Variants in COBL observed in about 807,000 individuals in gnomAD.
The protein encoded by COBL is cordon-bleu WH2 repeat protein.
Under a neutral mutation model 98.8 loss-of-function variants are expected in COBL, and 51 were observed. That is an observed-to-expected ratio of 0.52 (90% confidence interval 0.41 to 0.65). The LOEUF (loss-of-function observed/expected upper bound fraction) is 0.65. COBL is among the 30% of genes least tolerant of loss of function. The pLI is 0.00. For missense variants in COBL, 1,617 were observed against 1,617.5 expected (o/e 1.00, Z 0.01); for synonymous variants, 634 against 651.7 (o/e 0.97, Z 0.41).
chr7:51,218,115 T>G (rs967356900), intron 2 of COBL, among the ~76,000 whole-genome samples: 1 of 152,226 alleles, frequency 6.6e-6, no homozygotes, highest in African/African-American at 2.4e-5. Context: ...GCTGAAATAC[T>G]GTATCCCATG....
chr7:51,073,854 C>G (rs990647769), intron 7 of COBL, among the ~76,000 whole-genome samples: 5 of 152,144 alleles, frequency 3.3e-5, no homozygotes, highest in African/African-American at 1.2e-4. Context: ...ATAATGGTGA[C>G]ACTGGGCAGG....
chr7:51,256,535 T>A (rs917087257), intron 1 of COBL, among the ~76,000 whole-genome samples: 22 of 152,298 alleles, frequency 1.4e-4, no homozygotes, highest in African/African-American at 4.8e-4. Context: ...GGAGTTCGGA[T>A]CTCATGGAAA....
chr7:51,108,628 G>A (rs1361133849), intron 6 of COBL, among the ~76,000 whole-genome samples: 1 of 152,086 alleles, frequency 6.6e-6, no homozygotes, highest in Non-Finnish European at 1.5e-5. Context: ...CCCATCCTGT[G>A]GCCTCCTGGG....
intron 1 of COBL, among the ~76,000 whole-genome samples, chr7:51,239,297 G>A (rs2129119158): frequency 6.6e-6 from 1 of 152,262 alleles, no homozygotes; most frequent in Middle Eastern, 3.4e-3. Flanking sequence ...TAAAGAAACT[G>A]GCTAAATCCC....
chr7:51,171,321 C>T (rs1787856733), intron 5 of COBL, among the ~76,000 whole-genome samples: 1 of 152,096 alleles, frequency 6.6e-6, no homozygotes, highest in Non-Finnish European at 1.5e-5. Context: ...ATCAAAGGAT[C>T]ATTCAAGATA....
At chr7:51,130,243 G>A (rs1032790401) in intron 6 of COBL, among the ~76,000 whole-genome samples, 3 of 151,774 alleles carry the variant, frequency 2.0e-5, no homozygotes, top group East Asian at 1.9e-4. Context: ...CAGCCGACCT[G>A]AGTCCTTCCT....
intron 5 of COBL, among the ~76,000 whole-genome samples, chr7:51,144,043 C>T (rs2129014397): frequency 6.6e-6 from 1 of 152,194 alleles, no homozygotes; most frequent in African/African-American, 2.4e-5. Flanking sequence ...TAAAGTAAGC[C>T]TAATGGGAAA....
chr7:51,059,117 G>A (rs1245150112), intron 7 of COBL, among the ~76,000 whole-genome samples: 1 of 152,158 alleles, frequency 6.6e-6, no homozygotes, highest in Non-Finnish European at 1.5e-5. Flanking sequence ...GGTAGGCTGC[G>A]GCCACCTGTG....
At chr7:51,277,766 G>A (rs972701535) in intron 1 of COBL, among the ~76,000 whole-genome samples, 6 of 152,160 alleles carry the variant, frequency 3.9e-5, no homozygotes, top group Admixed American at 6.5e-5. Flanking sequence ...GATCCAGCAC[G>A]GCAGGGCATT....
intron 1 of COBL, among the ~76,000 whole-genome samples, chr7:51,277,572 C>T (rs1799424387): frequency 6.6e-6 from 1 of 152,180 alleles, no homozygotes; most frequent in Non-Finnish European, 1.5e-5. Flanking sequence ...TCCCGCCCAC[C>T]CGACTTTGGG....
chr7:51,233,927 A>G (rs1794999099), intron 1 of COBL, among the ~76,000 whole-genome samples: 1 of 152,244 alleles, frequency 6.6e-6, no homozygotes, highest in Non-Finnish European at 1.5e-5. Flanking sequence ...TCACCTTACA[A>G]TCTTATTTCT....
rs762333403 is a variant in COBL at position 51,028,252 on chromosome 7, G to A, written c.2844C>T (p.Ala948=). 11 of 1,614,020 alleles carry A rather than the reference G, an allele frequency of 6.8e-6. No homozygotes were observed. Among genetic ancestry groups the A allele is most frequent in the Admixed American group, 1.7e-5 (1 of 60,000 alleles). Reference sequence around the variant, plus strand: ...GGCCAATGACCTCCCCCCTAGGAGGGGCTCCCACTGCCAAATCTTCCCCGT... The same window carrying A: ...GGCCAATGACCTCCCCCCTAGGAGGAGCTCCCACTGCCAAATCTTCCCCGT... ...NNHGEDLAVG[A]PPRGEVIGPH... The change falls in exon 10 of 13, where the codon GCC becomes GCT. Residue 948 remains alanine (A), a synonymous_variant. Transcript: ENST00000265136.
At chr7:51,233,967 C>A (rs1795001729) in intron 1 of COBL, among the ~76,000 whole-genome samples, 1 of 152,158 alleles carries the variant, frequency 6.6e-6, no homozygotes, top group Admixed American at 6.5e-5. Flanking sequence ...AGTTTCACTG[C>A]TTAAAATAAA....
intron 2 of COBL, among the ~76,000 whole-genome samples, chr7:51,217,470 T>C (rs1008148099): frequency 1.1e-4 from 16 of 151,184 alleles, no homozygotes. Flanking sequence ...GCCTCCCGAG[T>C]AGCTGGGATT....
intron 5 of COBL, among the ~76,000 whole-genome samples, chr7:51,172,900 T>C (rs1339401283): frequency 6.6e-6 from 1 of 152,114 alleles, no homozygotes; most frequent in African/African-American, 2.4e-5. Context: ...GTGATTCTCC[T>C]GCCTCAGCCT....
chr7:51,180,149 T>C (rs545579613), intron 5 of COBL, among the ~76,000 whole-genome samples: 11 of 152,316 alleles, frequency 7.2e-5, no homozygotes, highest in African/African-American at 2.4e-5. Flanking sequence ...ACAAGACACA[T>C]TGAAAGCACT....
intron 1 of COBL, among the ~76,000 whole-genome samples, chr7:51,280,388 G>C (rs1166412684): frequency 6.6e-6 from 1 of 152,146 alleles, no homozygotes; most frequent in Non-Finnish European, 1.5e-5. Context: ...GTGGCAGAGT[G>C]GGTGACAGCA....
At chr7:51,147,819 C>T (rs1187503186) in intron 5 of COBL, among the ~76,000 whole-genome samples, 6 of 151,328 alleles carry the variant, frequency 4.0e-5, no homozygotes, top group Admixed American at 2.0e-4. Context: ...GGCGCGATCT[C>T]GGCTCACTGC....
At position 51,246,678 on chromosome 7, in the gene COBL, G is replaced by T. The variant is rs114643668; in HGVS notation, c.42-26734C>A. ...ACGCTGATTAATGAAGCATTATAAT[G>T]TTTATGAAGAAAGAGTTATTGTGGT... On this transcript the variant is annotated intron_variant, in intron 1 of 12. Transcript: ENST00000265136. 7.5e-3 allele frequency among the ~76,000 whole-genome samples: 1,144 copies of T among 152,286 alleles called. 14 individuals carry two copies. Among genetic ancestry groups the T allele is most frequent in the African/African-American group, 0.027 (1,111 of 41,558 alleles).
Sources: gnomAD v4.1 joint callset for allele counts (sites outside exome capture counted in the v4.1 genomes callset) on GRCh38, gnomAD v4.1.1 for gene constraint, MANE v1.5 for transcripts, NCBI Gene and HGNC (gene_info 2026-07-23, HGNC 2026-07-21) for gene names.